The following IFIH1 variants were observed in gnomAD, a reference collection of about 807,000 sequenced individuals.
IFIH1 encodes interferon induced with helicase C domain 1.
A neutral mutation model predicts 107.4 loss-of-function variants in IFIH1; 125 were observed. The observed-to-expected ratio is 1.16, with a 90% CI of 1.01 to 1.35. The LOEUF is 1.35. IFIH1 is among the 40% of genes most tolerant of loss of function. IFIH1 has a pLI of 0.00. For synonymous variants in IFIH1, 458 were observed against 413.2 expected, an observed-to-expected ratio of 1.11 and a Z score of -1.31; for missense variants, 1,333 against 1,213.7, an observed-to-expected ratio of 1.10 and a Z score of -1.46.
At chr2:162,294,860 G>A (rs1016669403) in intron 3 of IFIH1, among the ~76,000 whole-genome samples, 4 of 151,490 alleles carry the variant, frequency 2.6e-5, no homozygotes, top group Non-Finnish European at 4.4e-5. Flanking sequence ...TCATATTTAT[G>A]GCTGGAAATA....
At position 162,267,285 on chromosome 2, in the gene IFIH1, TTC is replaced by T; in HGVS notation, c.2991_2992del (p.Lys998ThrfsTer16). ...TAATTCTACCCACTTTTTGTATTGT[TTC>T]TTTGTTGAATTATTTTTGAAAACCA... On this transcript the variant is annotated frameshift_variant, in exon 16 of 16. Transcript: ENST00000649979. LOFTEE classifies it high-confidence loss of function. 6.2e-7 allele frequency: 1 copy of T among 1,612,316 alleles called. No individual in the cohort carries two copies. Among genetic ancestry groups the T allele is most frequent in the Non-Finnish European group, 8.5e-7 (1 of 1,179,486 alleles).
chr2:162,276,710 T>A lies in IFIH1; in HGVS notation c.2281A>T (p.Ser761Cys). The A allele has an allele frequency of 1.2e-6, 2 of 1,613,800 alleles. No individual in the cohort carries two copies. Among genetic ancestry groups the A allele is most frequent in the Non-Finnish European group, 1.7e-6 (2 of 1,179,846 alleles). The change falls in exon 11 of 16, where the codon AGT becomes TGT. Residue 761 changes from serine to cysteine, a missense_variant. Coordinates refer to ENST00000649979, the MANE Select transcript of IFIH1 (RefSeq NM_022168.4). ...ACCTGTGTCATGGGTTTGAACTCACTGCTGTGTCCAGCTCCAATCAGATGG... is the reference window on the plus strand; with the variant it reads ...ACCTGTGTCATGGGTTTGAACTCACAGCTGTGTCCAGCTCCAATCAGATGG... ...AHHLIGAGHS[S>C]EFKPMTQNEQ...
At chr2:162,299,339 GGTAA>G (rs1474822228) in intron 3 of IFIH1, among the ~76,000 whole-genome samples, 56 of 152,244 alleles carry the variant, frequency 3.7e-4, no homozygotes, top group African/African-American at 1.3e-3. Context: ...CTCTTTGGCT[GGTAA>G]GCACTTTTCA....
Position 162,306,924 on chromosome 2 carries a change from T to C in IFIH1, c.623-69A>G, listed in dbSNP as rs1052013248. On this transcript the variant is annotated intron_variant, in intron 2 of 15. Transcript: ENST00000649979. Reference sequence around the variant, plus strand: ...GTTTTTGTAGAGCATACATAACTGTTATTGTTATTTTGAAAACAAACTAGA... The same window carrying C: ...GTTTTTGTAGAGCATACATAACTGTCATTGTTATTTTGAAAACAAACTAGA... 3.7e-5 allele frequency: 51 copies of C among 1,386,646 alleles called. No individual in the cohort carries two copies. In the Middle Eastern group the frequency reaches 1.6e-3, roughly 44 times the overall value. The allele number at this position is 1,386,646 out of a possible 1,614,324, so 85.9% of individuals were successfully genotyped here.
Position 162,279,994 on chromosome 2 carries a change from A to G in IFIH1, c.1641+2T>C, listed in dbSNP as rs747781178. On this transcript the variant is annotated splice_donor_variant, in intron 8 of 15. Coordinates refer to ENST00000649979, the MANE Select transcript of IFIH1 (RefSeq NM_022168.4). LOFTEE classifies it high-confidence loss of function. ...AATAGATATAAAACATTAAGCCCAT[A>G]CTTCTCTGGTTGCATCTGCAATGGC... 5 of 1,494,420 alleles carry G rather than the reference A, an allele frequency of 3.3e-6. No individual in the cohort carries two copies. The highest frequency in any genetic ancestry group is 1.7e-5 in the Admixed American group (1 of 59,606). The allele number at this position is 1,494,420 out of a possible 1,614,324, so 92.6% of individuals were successfully genotyped here. A position where few individuals can be genotyped will look rare whatever the true frequency, so the allele number is the denominator to read the frequency against.
At chr2:162,298,881 C>G (rs1218838698) in intron 3 of IFIH1, among the ~76,000 whole-genome samples, 1 of 151,844 alleles carries the variant, frequency 6.6e-6, no homozygotes, top group Non-Finnish European at 1.5e-5. Flanking sequence ...TGGAGAGAAG[C>G]CACCTCCACC....
At chr2:162,281,111 C>T (rs1018070800) in intron 7 of IFIH1, among the ~76,000 whole-genome samples, 4 of 151,998 alleles carry the variant, frequency 2.6e-5, no homozygotes, top group African/African-American at 9.7e-5. Flanking sequence ...TTATATCACT[C>T]TCCATCATTT....
chr2:162,308,660 G>A (rs950892605), intron 2 of IFIH1, among the ~76,000 whole-genome samples: 7 of 152,176 alleles, frequency 4.6e-5, no homozygotes, highest in Admixed American at 2.6e-4. Context: ...TTACAGGCGT[G>A]AGCCACCACG....
At chr2:162,288,762 C>T (rs763013837) in intron 4 of IFIH1, among the ~76,000 whole-genome samples, 4 of 151,910 alleles carry the variant, frequency 2.6e-5, no homozygotes, top group Non-Finnish European at 4.4e-5. Flanking sequence ...TCACTTAGCC[C>T]TTCCACCTAC....
At position 162,291,162 on chromosome 2, in the gene IFIH1, A is replaced by C. The variant is rs144099896; in HGVS notation, c.874+2402T>G. ...AAAGACCTTAAAATTATATTCTACCATATAAATGGTCAAAAAAGAAAATCA... is the reference window on the plus strand; with the variant it reads ...AAAGACCTTAAAATTATATTCTACCCTATAAATGGTCAAAAAAGAAAATCA... On this transcript the variant is annotated intron_variant, in intron 4 of 15. Coordinates refer to ENST00000649979, the MANE Select transcript of IFIH1 (RefSeq NM_022168.4). Among the ~76,000 whole-genome samples the C allele has an allele frequency of 3.5e-3, 537 of 151,984 alleles. 2 individuals carry two copies. The highest frequency in any genetic ancestry group is 0.012 in the African/African-American group (509 of 41,526).
chr2:162,318,358 G>A lies in IFIH1; in HGVS notation c.-51C>T, dbSNP rs918333883. 1 of 1,473,534 alleles carries A rather than the reference G, an allele frequency of 6.8e-7. No individual in the cohort carries two copies. Among genetic ancestry groups the A allele is most frequent in the South Asian group, 1.2e-5 (1 of 82,954 alleles). 91.3% of individuals were successfully genotyped at this position (1,473,534 alleles called of 1,614,324 possible). ...GTTCTCCCAAGCAGATGGTGCTGTT[G>A]TCTGCGGGACAGGTGAAATGTGCGT... On this transcript the variant is annotated 5_prime_UTR_variant, in exon 1 of 16. Transcript: ENST00000649979.
Position 162,281,269 on chromosome 2 carries a change from A to G in IFIH1, c.1524+59T>C, listed in dbSNP as rs1682802108. On this transcript the variant is annotated intron_variant, in intron 7 of 15. Transcript: ENST00000649979. ...CTCAATCTTATTTAATAAGACCAAGAAGTCCTGGCATTTGTTTTAGCTTTG... is the reference window on the plus strand; with the variant it reads ...CTCAATCTTATTTAATAAGACCAAGGAGTCCTGGCATTTGTTTTAGCTTTG... 3 of 1,310,708 alleles carry G rather than the reference A, an allele frequency of 2.3e-6. No individual in the cohort carries two copies. The East Asian group carries it at 6.9e-5, about 30-fold the overall frequency. 81.2% of individuals were successfully genotyped at this position (1,310,708 alleles called of 1,614,324 possible).
At position 162,267,363 on chromosome 2, in the gene IFIH1, A is replaced by G. The variant is rs1020370941; in HGVS notation, c.2915T>C (p.Met972Thr). ...CKCGQAWGTM[M>T]VHKGLDLPCL... Reference sequence around the variant, plus strand: ...AGGCAAATCTAAGCCTTTGTGCACCATCATTGTTCCCCAAGCCTGGAAAAC... The same window carrying G: ...AGGCAAATCTAAGCCTTTGTGCACCGTCATTGTTCCCCAAGCCTGGAAAAC... Residue 972 changes from methionine (M) to threonine (T), a missense_variant, in exon 16 of 16, where the codon ATG becomes ACG. Physicochemically the swap from Met to Thr is moderately conservative, Grantham distance 81. Coordinates refer to ENST00000649979, the MANE Select transcript of IFIH1 (RefSeq NM_022168.4). The G allele has an allele frequency of 6.2e-7, 1 of 1,613,892 alleles. No individual in the cohort carries two copies.
At chr2:162,309,154 T>C (rs965059555) in intron 2 of IFIH1, among the ~76,000 whole-genome samples, 2 of 152,216 alleles carry the variant, frequency 1.3e-5, no homozygotes, top group South Asian at 2.1e-4. Flanking sequence ...TTAAGGCTTA[T>C]AAGGCTTGAG....
intron 6 of IFIH1, among the ~76,000 whole-genome samples, chr2:162,282,105 A>C (rs1023300749): frequency 2.6e-5 from 4 of 152,012 alleles, no homozygotes; most frequent in African/African-American, 9.7e-5. Flanking sequence ...ACAACATTCA[A>C]TAGCAAATAA....
rs774888783 is a variant in IFIH1, at chr2:162,278,232, G to T, written c.1738C>A (p.Gln580Lys). The T allele has an allele frequency of 1.5e-5, 24 of 1,605,518 alleles. No individual in the cohort carries two copies. Among genetic ancestry groups the T allele is most frequent in the Non-Finnish European group, 1.9e-5 (22 of 1,177,020 alleles). Residue 580 changes from glutamine to lysine, a missense_variant, in exon 9 of 16, where the codon CAA (glutamine) becomes AAA (lysine). Coordinates refer to ENST00000649979, the MANE Select transcript of IFIH1 (RefSeq NM_022168.4). ...MSDFGTQPYEQWAIQMEKKAA... is the reference protein window; with the variant it reads ...MSDFGTQPYEKWAIQMEKKAA... ...TTTTTTTCCATTTGAATGGCCCATT[G>T]TTCATAGGGTTGAGTTCCAAAATCT...
intron 4 of IFIH1, among the ~76,000 whole-genome samples, chr2:162,292,394 A>T (rs940083725): frequency 1.3e-5 from 2 of 151,872 alleles, no homozygotes; most frequent in African/African-American, 4.8e-5. Flanking sequence ...AATGAAGATT[A>T]AAGTTGTGAA....
intron 3 of IFIH1, among the ~76,000 whole-genome samples, chr2:162,302,530 A>C (rs1683210851): frequency 6.6e-6 from 1 of 152,218 alleles, no homozygotes. Flanking sequence ...ACAAAACTAC[A>C]CAAATGCATA....
chr2:162,276,667 G>T lies in IFIH1; in HGVS notation c.2304+20C>A. 9 of 1,582,530 alleles carry T rather than the reference G, an allele frequency of 5.7e-6. No homozygotes were observed. Among genetic ancestry groups the T allele is most frequent in the Non-Finnish European group, 6.8e-6 (8 of 1,168,988 alleles). On this transcript the variant is annotated intron_variant, in intron 11 of 15. Coordinates refer to ENST00000649979, the MANE Select transcript of IFIH1 (RefSeq NM_022168.4). ...AAAGAGAAAGAAAAGAAAAGAAGTC[G>T]TCCAAAAGGATATTTATACCTGTGT...
Sources: allele counts gnomAD v4.1 joint callset (sites outside exome capture counted in the v4.1 genomes callset), GRCh38; gene constraint gnomAD v4.1.1; transcripts MANE v1.5; gene names NCBI Gene and HGNC (gene_info 2026-07-23, HGNC 2026-07-21).